Variants in MICU1 observed in about 807,000 individuals in gnomAD.
MICU1 encodes calcium uptake protein 1, mitochondrial.
MICU1 carries 45 observed loss-of-function variants against 56.8 expected under a neutral mutation model. The ratio of observed to expected loss-of-function variants is 0.79; its 90% CI spans 0.62 to 1.02. MICU1 has a LOEUF of 1.02. Among genes scored for constraint, MICU1 ranks in the 50% least tolerant of loss-of-function variants. The probability of loss-of-function intolerance (pLI) is 0.00; values close to 1 mark genes in which losing one functional copy is unlikely to be tolerated. For missense variants in MICU1, 504 were observed against 587.1 expected (o/e 0.86, Z 1.46); for synonymous variants, 186 against 195.1 (o/e 0.95, Z 0.39).
At chr10:72,575,791 C>T (rs1382207608) in intron 1 of MICU1, among the ~76,000 whole-genome samples, 1 of 152,190 alleles carries the variant, frequency 6.6e-6, no homozygotes, top group African/African-American at 2.4e-5. Flanking sequence ...CTCTCCCTTT[C>T]CTCAAGCCTT....
At chr10:72,495,045 T>C (rs968267822) in intron 6 of MICU1, among the ~76,000 whole-genome samples, 6 of 152,226 alleles carry the variant, frequency 3.9e-5, no homozygotes, top group Admixed American at 2.0e-4. Context: ...AGTTGTGTTA[T>C]AGAAAGATTA....
chr10:72,479,612 T>A (rs757494252), intron 6 of MICU1, among the ~76,000 whole-genome samples: 6 of 152,206 alleles, frequency 3.9e-5, no homozygotes, highest in Non-Finnish European at 8.8e-5. Context: ...CAATGCAACC[T>A]CAGACTTCTG....
intron 8 of MICU1, among the ~76,000 whole-genome samples, chr10:72,439,764 G>C (rs1283686621): frequency 1.3e-5 from 2 of 151,664 alleles, no homozygotes; most frequent in African/African-American, 4.8e-5. Context: ...ATAACAGACA[G>C]AGAGCCAAAT....
intron 6 of MICU1, among the ~76,000 whole-genome samples, chr10:72,480,629 C>T (rs1370080555): frequency 6.6e-6 from 1 of 152,226 alleles, no homozygotes; most frequent in Non-Finnish European, 1.5e-5. Flanking sequence ...CAGAGGAATA[C>T]AGCCCAAATT....
At chr10:72,619,434 G>C (rs947540986) in intron 1 of MICU1, among the ~76,000 whole-genome samples, 8 of 152,188 alleles carry the variant, frequency 5.3e-5, no homozygotes, top group African/African-American at 1.9e-4. Context: ...AACAGGTCAA[G>C]ACTCCGTCTC....
intron 9 of MICU1, among the ~76,000 whole-genome samples, chr10:72,412,655 A>C (rs117941655): frequency 0.017 from 2,647 of 152,026 alleles, 38 homozygotes; most frequent in Non-Finnish European, 0.029. Flanking sequence ...GTTCGGGACC[A>C]GCCTGGCCAA....
intron 8 of MICU1, among the ~76,000 whole-genome samples, chr10:72,440,875 G>A (rs1864899116): frequency 6.6e-6 from 1 of 152,010 alleles, no homozygotes; most frequent in Admixed American, 6.6e-5. Context: ...AGTTAGAATA[G>A]CGATCATTAA....
chr10:72,400,412 T>C (rs578090688), intron 10 of MICU1, among the ~76,000 whole-genome samples: 1 of 152,126 alleles, frequency 6.6e-6, no homozygotes, highest in African/African-American at 2.4e-5. Flanking sequence ...AAAGAAGGTA[T>C]GCAAAAATAA....
At chr10:72,601,597 A>G (rs1841537060) in intron 1 of MICU1, among the ~76,000 whole-genome samples, 1 of 151,988 alleles carries the variant, frequency 6.6e-6, no homozygotes, top group African/African-American at 2.4e-5. Context: ...CCCTACAACA[A>G]AAGACAGATT....
chr10:72,560,644 C>T (rs1006903423), intron 3 of MICU1, among the ~76,000 whole-genome samples: 42 of 152,134 alleles, frequency 2.8e-4, no homozygotes, highest in African/African-American at 9.4e-4. Context: ...CCAAGGTGGG[C>T]GGATCACCTG....
intron 8 of MICU1, among the ~76,000 whole-genome samples, chr10:72,444,224 G>A (rs1030184270): frequency 2.6e-5 from 4 of 151,746 alleles, no homozygotes; most frequent in Non-Finnish European, 5.9e-5. Context: ...GACTGTTGTG[G>A]GGTGGGGGAA....
At chr10:72,515,865 T>G (rs1337544685) in intron 5 of MICU1, among the ~76,000 whole-genome samples, 3 of 152,270 alleles carry the variant, frequency 2.0e-5, no homozygotes, top group Admixed American at 6.5e-5. Context: ...TCCTACCATA[T>G]TTTCACCATA....
chr10:72,466,950 A>G (rs1865810871), intron 8 of MICU1, among the ~76,000 whole-genome samples: 1 of 152,144 alleles, frequency 6.6e-6, no homozygotes. Context: ...ATCTTTTTAA[A>G]AAGCTCCTTG....
At position 72,536,542 on chromosome 10, in the gene MICU1, A is replaced by G. The variant is rs1839640908; in HGVS notation, c.494-2753T>C. Among the ~76,000 whole-genome samples the G allele has an allele frequency of 4.6e-5, 7 of 151,834 alleles. No homozygotes were observed. In the South Asian group the frequency reaches 1.5e-3, roughly 32 times the overall value. Reference sequence around the variant, plus strand: ...TTTTTTTTGTATTTTTAGTAGAGACAGGGTTTCACCGTGTTAGTCAGGATG... The same window carrying G: ...TTTTTTTTGTATTTTTAGTAGAGACGGGGTTTCACCGTGTTAGTCAGGATG... On this transcript the variant is annotated intron_variant, in intron 4 of 11. Coordinates refer to ENST00000361114, the MANE Select transcript of MICU1 (RefSeq NM_001195518.2).
At chr10:72,560,328 A>G (rs1351404077) in intron 3 of MICU1, 1 of 152,182 alleles carries the variant, frequency 6.6e-6, no homozygotes, top group Non-Finnish European at 1.5e-5. Flanking sequence ...GAGGCACTAT[A>G]AAGAGGGCTA....
At position 72,561,383 on chromosome 10, in the gene MICU1, C is replaced by A. The variant is rs192093447; in HGVS notation, c.330+1512G>T. On this transcript the variant is annotated intron_variant, in intron 3 of 11. Coordinates refer to ENST00000361114, the MANE Select transcript of MICU1 (RefSeq NM_001195518.2). ...AGTAAAGTTGTGCTTTCTTTGAATTCACTCAGGGCAAAACAATAAATAAAT... is the reference window on the plus strand; with the variant it reads ...AGTAAAGTTGTGCTTTCTTTGAATTAACTCAGGGCAAAACAATAAATAAAT... 4.7e-4 allele frequency among the ~76,000 whole-genome samples: 71 copies of A among 152,352 alleles called. 1 individual carries two copies. Among genetic ancestry groups the A allele is most frequent in the Middle Eastern group, 3.4e-3 (1 of 294 alleles).
At chr10:72,540,130 G>A (rs1839733224) in intron 4 of MICU1, among the ~76,000 whole-genome samples, 1 of 152,092 alleles carries the variant, frequency 6.6e-6, no homozygotes, top group Non-Finnish European at 1.5e-5. Context: ...AGCTAGGCAT[G>A]GTGGCGCATG....
chr10:72,369,699 T>G (rs117511931), intron 11 of MICU1, among the ~76,000 whole-genome samples: 1,677 of 151,934 alleles, frequency 0.011, 19 homozygotes, highest in East Asian at 0.06. Context: ...TGTTTTTTTT[T>G]TTGTTGTTGT....
At chr10:72,625,579 T>C (rs191310157) in intron 1 of MICU1, among the ~76,000 whole-genome samples, 121 of 152,318 alleles carry the variant, frequency 7.9e-4, no homozygotes, top group Non-Finnish European at 1.4e-3. Context: ...TTATTTCGAT[T>C]CAGTGGTTAA....
Sources: gnomAD v4.1 joint callset for allele counts (sites outside exome capture counted in the v4.1 genomes callset) on GRCh38, gnomAD v4.1.1 for gene constraint, MANE v1.5 for transcripts, NCBI Gene and HGNC (gene_info 2026-07-23, HGNC 2026-07-21) for gene names.